PEAK1: variants seen among roughly 807,000 people sequenced by gnomAD.
PEAK1 encodes pseudopodium enriched atypical kinase 1.
Under a neutral mutation model 124.7 loss-of-function variants are expected in PEAK1, and 54 were observed. The ratio of observed to expected loss-of-function variants is 0.43; its 90% CI spans 0.35 to 0.54. The LOEUF is 0.54. Ranked by LOEUF, PEAK1 falls within the 20% of genes least tolerant of loss-of-function variation. The pLI, the probability that PEAK1 is intolerant of heterozygous loss-of-function variation, is 0.01. For synonymous variants in PEAK1, 719 were observed against 760.0 expected, an observed-to-expected ratio of 0.95 and a Z score of 0.89; for missense variants, 2,046 against 2,134.5, an observed-to-expected ratio of 0.96 and a Z score of 0.82.
rs115030254 is a variant in PEAK1 at position 77,125,650 on chromosome 15, A to T, written c.4077+7355T>A. Reference sequence around the variant, plus strand: ...AGTAATGGCAAAGGTAACAGCTAATATGTAGCTAAAGCACAGATTTAAACC... The same window carrying T: ...AGTAATGGCAAAGGTAACAGCTAATTTGTAGCTAAAGCACAGATTTAAACC... On this transcript the variant is annotated intron_variant, in intron 9 of 9. Transcript: ENST00000682557. 3.2e-3 allele frequency among the ~76,000 whole-genome samples: 480 copies of T among 152,358 alleles called. 2 individuals carry two copies. Among genetic ancestry groups the T allele is most frequent in the African/African-American group, 0.011 (456 of 41,586 alleles).
intron 5 of PEAK1, among the ~76,000 whole-genome samples, chr15:77,261,612 A>G (rs969419699): frequency 1.3e-5 from 2 of 152,230 alleles, no homozygotes; most frequent in African/African-American, 4.8e-5. Flanking sequence ...GACTATGTGA[A>G]CAGACCAAAT....
chr15:77,143,401 G>A (rs1320736249), intron 8 of PEAK1, among the ~76,000 whole-genome samples: 1 of 152,080 alleles, frequency 6.6e-6, no homozygotes, highest in Non-Finnish European at 1.5e-5. Context: ...AACCACTAGA[G>A]AGATGTTTTT....
chr15:77,218,413 C>G (rs1011167347), intron 6 of PEAK1, among the ~76,000 whole-genome samples: 1 of 151,484 alleles, frequency 6.6e-6, no homozygotes, highest in Non-Finnish European at 1.5e-5. Flanking sequence ...CTCCTATATT[C>G]TATTAAAATG....
intron 8 of PEAK1, among the ~76,000 whole-genome samples, chr15:77,151,103 G>A (rs1243878856): frequency 6.6e-6 from 1 of 152,088 alleles, no homozygotes; most frequent in African/African-American, 2.4e-5. Context: ...CTTCCACAAT[G>A]GTTGAACTAG....
intron 5 of PEAK1, among the ~76,000 whole-genome samples, chr15:77,264,351 A>T (rs1472089443): frequency 6.6e-6 from 1 of 152,086 alleles, no homozygotes; most frequent in Admixed American, 6.6e-5. Flanking sequence ...TATATCTAGA[A>T]AACCCCATTG....
intron 7 of PEAK1, among the ~76,000 whole-genome samples, chr15:77,167,858 G>A (rs1053878689): frequency 6.6e-6 from 1 of 152,094 alleles, no homozygotes; most frequent in Non-Finnish European, 1.5e-5. Flanking sequence ...ATTTACATTA[G>A]GTATTTCTCC....
intron 9 of PEAK1, among the ~76,000 whole-genome samples, chr15:77,128,649 A>G (rs2052587502): frequency 6.6e-6 from 1 of 152,122 alleles, no homozygotes; most frequent in South Asian, 2.1e-4. Flanking sequence ...ATTGCTCAGG[A>G]TTTATCACTC....
Position 77,158,694 on chromosome 15 carries a change from T to A in PEAK1, c.3140A>T (p.His1047Leu). The A allele has an allele frequency of 6.2e-7, 1 of 1,612,454 alleles. No homozygotes were observed. Among genetic ancestry groups the A allele is most frequent in the Non-Finnish European group, 8.5e-7 (1 of 1,178,484 alleles). ...ATCCTCTGTTACTTCATGGGTCATG[T>A]GACTGAAACAAATCAGACCACTTGT... Reference protein sequence around the residue: ...PSQIPKKILSHMTHEVTEDFS... With the variant: ...PSQIPKKILSLMTHEVTEDFS... The change falls in exon 8 of 10, where the codon CAC (histidine) becomes CTC (leucine). Residue 1047 changes from histidine (H) to leucine (L), a missense_variant and splice_region_variant. By Grantham distance (99) the His-to-Leu change is moderately conservative (BLOSUM62 -3). Coordinates refer to ENST00000682557, the MANE Select transcript of PEAK1 (RefSeq NM_001385026.1).
chr15:77,207,346 G>A (rs964358691), intron 6 of PEAK1, among the ~76,000 whole-genome samples: 1 of 152,118 alleles, frequency 6.6e-6, no homozygotes, highest in Non-Finnish European at 1.5e-5. Context: ...TCTGTGGACT[G>A]GTCCTCAACA....
Position 77,252,400 on chromosome 15 carries a change from G to A in PEAK1, c.-148C>T. 6.1e-6 allele frequency: 6 copies of A among 985,328 alleles called. No homozygotes were observed. Among genetic ancestry groups the A allele is most frequent in the Non-Finnish European group, 7.2e-6 (6 of 829,880 alleles). The allele number at this position is 985,328 out of a possible 1,614,324, so 61.0% of individuals were successfully genotyped here. ...TCTGAAGCACTTCATTCATTCTGGTGACAAAGGTGGTTTTAGCAGCTAGCA... is the reference window on the plus strand; with the variant it reads ...TCTGAAGCACTTCATTCATTCTGGTAACAAAGGTGGTTTTAGCAGCTAGCA... On this transcript the variant is annotated 5_prime_UTR_variant, in exon 6 of 10. Transcript: ENST00000682557.
At chr15:77,228,390 A>C (rs193176184) in intron 6 of PEAK1, among the ~76,000 whole-genome samples, 2 of 152,270 alleles carry the variant, frequency 1.3e-5, no homozygotes, top group Admixed American at 1.3e-4. Flanking sequence ...TTGACAATAA[A>C]ATCAAGTTAG....
rs150351796 is a variant in PEAK1, at chr15:77,347,121, C to G, written c.-603+18042G>C. The G allele has an allele frequency of 1.5e-4, 109 of 744,960 alleles. No individual in the cohort carries two copies. In the African/African-American group the frequency reaches 2.0e-3, roughly 14 times the overall value. 46.1% of individuals were successfully genotyped at this position (744,960 alleles called of 1,614,324 possible). On this transcript the variant is annotated intron_variant, in intron 2 of 9. Coordinates refer to ENST00000682557, the MANE Select transcript of PEAK1 (RefSeq NM_001385026.1). Reference sequence around the variant, plus strand: ...TAGAAGACTTGCAAGTTGGAATAAACTTGGTATATTCATAGAAGACAAAAG... The same window carrying G: ...TAGAAGACTTGCAAGTTGGAATAAAGTTGGTATATTCATAGAAGACAAAAG...
intron 7 of PEAK1, among the ~76,000 whole-genome samples, chr15:77,158,939 T>C (rs1396899565): frequency 6.6e-6 from 1 of 152,160 alleles, no homozygotes; most frequent in African/African-American, 2.4e-5. Flanking sequence ...AGAATAACAG[T>C]CAAAGAGTGA....
chr15:77,170,846 C>T (rs1261080876), intron 7 of PEAK1, among the ~76,000 whole-genome samples: 1 of 152,144 alleles, frequency 6.6e-6, no homozygotes, highest in Non-Finnish European at 1.5e-5. Context: ...ATTCTTCCCA[C>T]TGTGCAGTAT....
chr15:77,404,857 A>C (rs1490755625), intron 1 of PEAK1: 59 of 849,018 alleles, frequency 6.9e-5, no homozygotes, highest in Non-Finnish European at 8.4e-5. Flanking sequence ...AAAAAGAAAA[A>C]TGCCAATTCC....
intron 1 of PEAK1, chr15:77,417,685 T>C (rs1338088959): frequency 1.0e-6 from 1 of 985,440 alleles, no homozygotes; most frequent in Non-Finnish European, 1.2e-6. Context: ...TCAACACAAA[T>C]GGCTAGGGCC....
chr15:77,313,708 A>ATGTC, intron 2 of PEAK1, among the ~76,000 whole-genome samples: 1 of 93,756 alleles, frequency 1.1e-5, no homozygotes, highest in East Asian at 2.7e-4. Context: ...ATATATATGT[A>ATGTC]TGTGTGTGTG....
In PEAK1 at chr15:77,172,973, T is replaced by G. The variant is rs2056613041; in HGVS notation, c.3137+5817A>C. 3.3e-5 allele frequency among the ~76,000 whole-genome samples: 5 copies of G among 152,248 alleles called. No homozygotes were observed. The South Asian group carries it at 1.0e-3, about 32-fold the overall frequency. Reference sequence around the variant, plus strand: ...CTCATTATGTTACCTAGGCTGGTCTTGAACTCCTGAGCTCAGGTGATCCTC... The same window carrying G: ...CTCATTATGTTACCTAGGCTGGTCTGGAACTCCTGAGCTCAGGTGATCCTC... On this transcript the variant is annotated intron_variant, in intron 7 of 9. Coordinates refer to ENST00000682557, the MANE Select transcript of PEAK1 (RefSeq NM_001385026.1).
chr15:77,361,594 C>T (rs2067889337), intron 2 of PEAK1, among the ~76,000 whole-genome samples: 1 of 152,074 alleles, frequency 6.6e-6, no homozygotes, highest in African/African-American at 2.4e-5. Flanking sequence ...GGTGAAAATG[C>T]AGAGAAAAAG....
Sources: allele counts gnomAD v4.1 joint callset (sites outside exome capture counted in the v4.1 genomes callset), GRCh38; gene constraint gnomAD v4.1.1; transcripts MANE v1.5; gene names NCBI Gene and HGNC (gene_info 2026-07-23, HGNC 2026-07-21).